EYS: variants seen among roughly 807,000 people sequenced by gnomAD.
The protein encoded by EYS is EGF-like photoreceptor maintenance factor.
EYS carries 250 observed loss-of-function variants against 282.1 expected under a neutral mutation model. That is an observed-to-expected ratio of 0.89 (90% confidence interval 0.80 to 0.98). EYS has a LOEUF of 0.98. Among genes scored for constraint, EYS ranks in the 50% least tolerant of loss-of-function variants. The pLI is 0.00. For synonymous variants in EYS, 1,355 were observed against 1,282.9 expected (o/e 1.06, Z -1.20); for missense variants, 4,016 against 3,709.0 (o/e 1.08, Z -2.15).
In EYS at chr6:65,188,685, C is replaced by T. The variant is rs7750040; in HGVS notation, c.2023+107178G>A. ...TCTGGCAGGTCCCAATGTAATCACA[C>T]GGGTCTTTAAAAGTGGAAGAGGAAA... On this transcript the variant is annotated intron_variant, in intron 12 of 42. Coordinates refer to ENST00000503581, the MANE Select transcript of EYS (RefSeq NM_001142800.2). Among the ~76,000 whole-genome samples, 1,021 of 144,140 alleles carry T rather than the reference C, an allele frequency of 7.1e-3. 12 individuals are homozygous for T. Among genetic ancestry groups the T allele is most frequent in the African/African-American group, 0.024 (907 of 38,592 alleles). 94.6% of individuals were successfully genotyped at this position (144,140 alleles called of 152,430 possible). A position where few individuals can be genotyped will look rare whatever the true frequency, so the allele number is the denominator to read the frequency against.
intron 30 of EYS, among the ~76,000 whole-genome samples, chr6:64,252,517 A>G (rs1396595237): frequency 1.3e-5 from 2 of 151,880 alleles, no homozygotes; most frequent in East Asian, 3.9e-4. Flanking sequence ...TGTTCACACA[A>G]CTCCCCTTCT....
At chr6:64,205,856 TAGAGAG>T (rs35786372) in intron 31 of EYS, among the ~76,000 whole-genome samples, 15 of 149,178 alleles carry the variant, frequency 1.0e-4, no homozygotes, top group South Asian at 2.1e-4. Context: ...TATATATATA[TAGAGAG>T]AGAGAGAGAG....
chr6:64,392,874 C>A (rs1168808046), intron 28 of EYS, among the ~76,000 whole-genome samples: 3 of 151,896 alleles, frequency 2.0e-5, no homozygotes, highest in Non-Finnish European at 2.9e-5. Flanking sequence ...AATTGATAGA[C>A]CGCTAGCAAG....
chr6:65,459,963 G>GTA lies in EYS; in HGVS notation c.862+30629_862+30630dup, dbSNP rs1221891556. ...GGTGCGTGTGTGTGTGTGTGTTTGTGTATTTTATATATATATATATATATA... is the reference window on the plus strand; with the variant it reads ...GGTGCGTGTGTGTGTGTGTGTTTGTGTATATTTTATATATATATATATATATA... On this transcript the variant is annotated intron_variant, in intron 5 of 42. Coordinates refer to ENST00000503581, the MANE Select transcript of EYS (RefSeq NM_001142800.2). Among the ~76,000 whole-genome samples the GTA allele has an allele frequency of 8.2e-5, 7 of 85,176 alleles. No homozygotes were observed. The South Asian group carries it at 2.2e-3, about 26-fold the overall frequency. The allele number at this position is 85,176 out of a possible 152,430, so 55.9% of individuals were successfully genotyped here. A position where few individuals can be genotyped will look rare whatever the true frequency, so the allele number is the denominator to read the frequency against.
intron 22 of EYS, among the ~76,000 whole-genome samples, chr6:64,627,871 A>T (rs538266287): frequency 4.1e-4 from 63 of 152,274 alleles, no homozygotes; most frequent in African/African-American, 1.4e-3. Flanking sequence ...TGAGGTCAGG[A>T]GATCGAGACC....
intron 1 of EYS, among the ~76,000 whole-genome samples, chr6:65,684,386 G>A (rs781521029): frequency 2.6e-5 from 4 of 151,962 alleles, no homozygotes; most frequent in Non-Finnish European, 5.9e-5. Context: ...ATGGTGGGAG[G>A]GGGTCCTTTT....
At chr6:64,617,673 C>A in intron 23 of EYS, 140 bp from the exon 24 acceptor site, 1 of 628,134 alleles carries the variant, frequency 1.6e-6, no homozygotes, top group Non-Finnish European at 2.8e-6. Flanking sequence ...AGTGTATCTT[C>A]ATGATCAGTT....
intron 31 of EYS, among the ~76,000 whole-genome samples, chr6:64,116,934 T>C (rs1402194272): frequency 6.6e-6 from 1 of 151,964 alleles, no homozygotes; most frequent in Non-Finnish European, 1.5e-5. Flanking sequence ...GCAAAAGATC[T>C]GAGGGAAGAG....
At chr6:64,090,283 A>C (rs1772310594) in intron 31 of EYS, among the ~76,000 whole-genome samples, 1 of 152,102 alleles carries the variant, frequency 6.6e-6, no homozygotes. Flanking sequence ...CTACTTTCTA[A>C]TTTCTGAAAA....
chr6:64,422,758 C>G (rs1774276369), intron 28 of EYS, among the ~76,000 whole-genome samples: 1 of 152,122 alleles, frequency 6.6e-6, no homozygotes, highest in South Asian at 2.1e-4. Flanking sequence ...AGCATAATGT[C>G]TATGTTAATC....
intron 26 of EYS, among the ~76,000 whole-genome samples, chr6:64,481,851 A>C (rs1776447094): frequency 6.6e-6 from 1 of 151,720 alleles, no homozygotes; most frequent in Non-Finnish European, 1.5e-5. Context: ...AAGTTAGACA[A>C]AGTGCTTAAT....
intron 1 of EYS, among the ~76,000 whole-genome samples, chr6:65,675,961 T>G (rs1404669241): frequency 6.6e-6 from 1 of 151,764 alleles, no homozygotes; most frequent in Non-Finnish European, 1.5e-5. Context: ...AAATTTACAA[T>G]TATATGAAAA....
At chr6:64,291,056 T>C (rs1768689408) in intron 30 of EYS, among the ~76,000 whole-genome samples, 1 of 33,982 alleles carries the variant, frequency 2.9e-5, no homozygotes, top group Non-Finnish European at 6.4e-5. Context: ...GGAGCGGGTA[T>C]ATAAGCTCTT....
At chr6:64,332,215 A>T (rs1210145828) in intron 29 of EYS, among the ~76,000 whole-genome samples, 2 of 152,164 alleles carry the variant, frequency 1.3e-5, no homozygotes, top group African/African-American at 4.8e-5. Context: ...GTGCACCCCT[A>T]CTAAATTAAC....
At chr6:64,353,008 A>G (rs1771695748) in intron 29 of EYS, among the ~76,000 whole-genome samples, 1 of 151,644 alleles carries the variant, frequency 6.6e-6, no homozygotes, top group African/African-American at 2.4e-5. Context: ...TATGGACTAT[A>G]GACAGATGGC....
At chr6:65,409,248 C>T (rs1213042158) in intron 5 of EYS, among the ~76,000 whole-genome samples, 1 of 152,066 alleles carries the variant, frequency 6.6e-6, no homozygotes, top group African/African-American at 2.4e-5. Flanking sequence ...CCCCTTAGTC[C>T]CCACCCTACT....
intron 2 of EYS, among the ~76,000 whole-genome samples, chr6:65,600,545 C>T (rs1035739039): frequency 3.9e-5 from 6 of 151,976 alleles, no homozygotes; most frequent in African/African-American, 1.4e-4. Context: ...TATACAACAA[C>T]ATAGGGAGGT....
At chr6:65,514,042 C>G (rs1767017172) in intron 2 of EYS, among the ~76,000 whole-genome samples, 1 of 151,918 alleles carries the variant, frequency 6.6e-6, no homozygotes, top group Admixed American at 6.6e-5. Context: ...CTAGAAAACC[C>G]CATTGTCTCA....
chr6:65,557,168 G>C (rs1036144485), intron 2 of EYS, among the ~76,000 whole-genome samples: 4 of 152,150 alleles, frequency 2.6e-5, no homozygotes, highest in African/African-American at 4.8e-5. Context: ...TCTGTGGCCA[G>C]TAAAGCCTCT....
Sources: allele counts gnomAD v4.1 joint callset (sites outside exome capture counted in the v4.1 genomes callset), GRCh38; gene constraint gnomAD v4.1.1; transcripts MANE v1.5; gene names NCBI Gene and HGNC (gene_info 2026-07-23, HGNC 2026-07-21).